MYO9A: variants seen among roughly 807,000 people sequenced by gnomAD.
MYO9A encodes unconventional myosin-IXa.
MYO9A carries 103 observed loss-of-function variants against 293.3 expected under a neutral mutation model. The observed-to-expected ratio is 0.35, with a 90% CI of 0.30 to 0.41. The LOEUF is 0.41. MYO9A is among the 10% of genes least tolerant of loss of function. The pLI, the probability that MYO9A is intolerant of heterozygous loss-of-function variation, is 1.00. For synonymous variants in MYO9A, 1,001 were observed against 1,035.7 expected (o/e 0.97, Z 0.64); for missense variants, 2,685 against 3,033.0 (o/e 0.89, Z 2.69).
chr15:71,960,288 C>G lies in MYO9A; in HGVS notation c.1987-192G>C, dbSNP rs559290084. On this transcript the variant is annotated intron_variant, in intron 13 of 41. Transcript: ENST00000356056. ...CAGATCCCTCATGAATGGATTGGGGCTCTCTTCAAAGTAATGAATGAGTTT... is the reference window on the plus strand; with the variant it reads ...CAGATCCCTCATGAATGGATTGGGGGTCTCTTCAAAGTAATGAATGAGTTT... The G allele has an allele frequency of 2.6e-5, 15 of 580,638 alleles. No homozygotes were observed. The South Asian group carries it at 3.4e-4, about 13-fold the overall frequency. The allele number at this position is 580,638 out of a possible 1,614,324, so 36.0% of individuals were successfully genotyped here.
intron 4 of MYO9A, among the ~76,000 whole-genome samples, chr15:72,025,587 T>C (rs1490520505): frequency 6.6e-6 from 1 of 152,130 alleles, no homozygotes; most frequent in African/African-American, 2.4e-5. Flanking sequence ...TCATCTCAAA[T>C]GATCTGCCTG....
chr15:72,112,122 C>G (rs2080800188), intron 1 of MYO9A, among the ~76,000 whole-genome samples: 1 of 151,888 alleles, frequency 6.6e-6, no homozygotes, highest in African/African-American at 2.4e-5. Flanking sequence ...TAAAAGAATA[C>G]AGTTATATAT....
intron 33 of MYO9A, 61 bp from the exon 34 acceptor site, chr15:71,859,857 A>T: frequency 7.0e-7 from 1 of 1,419,528 alleles, no homozygotes; most frequent in Middle Eastern, 1.9e-4. Flanking sequence ...ATAATAACTT[A>T]TCAAGTATAC....
chr15:71,950,715 T>C (rs967734834), intron 15 of MYO9A, among the ~76,000 whole-genome samples: 16 of 152,202 alleles, frequency 1.1e-4, no homozygotes, highest in African/African-American at 3.9e-4. Context: ...GCAATGGCAA[T>C]TGAAAAAGAA....
At chr15:72,034,195 A>T (rs914802301) in intron 2 of MYO9A, among the ~76,000 whole-genome samples, 2 of 152,164 alleles carry the variant, frequency 1.3e-5, no homozygotes, top group African/African-American at 4.8e-5. Flanking sequence ...ATCTCCTGAA[A>T]ATTTGTTAGA....
chr15:72,038,472 A>C (rs1242564289), intron 2 of MYO9A, among the ~76,000 whole-genome samples: 1 of 152,186 alleles, frequency 6.6e-6, no homozygotes, highest in East Asian at 1.9e-4. Flanking sequence ...AAAAGAATTA[A>C]ATTATAAATC....
chr15:71,965,037 C>T (rs1292664856), intron 13 of MYO9A, among the ~76,000 whole-genome samples: 7 of 151,838 alleles, frequency 4.6e-5, no homozygotes, highest in Non-Finnish European at 1.0e-4. Flanking sequence ...AACTTTCCTA[C>T]ATTCCTTGCT....
At chr15:71,925,213 GTATATATACACATATATACACATA>G (rs1253170154) in intron 18 of MYO9A, among the ~76,000 whole-genome samples, 12 of 6,066 alleles carry the variant, frequency 2.0e-3, no homozygotes, top group South Asian at 5.6e-3. Flanking sequence ...ATATACATGT[GTATATATACACATATATACACATA>G]TATATACATA....
At chr15:71,875,080 C>G (rs2056640563) in intron 32 of MYO9A, among the ~76,000 whole-genome samples, 2 of 151,906 alleles carry the variant, frequency 1.3e-5, no homozygotes, top group South Asian at 2.1e-4. Flanking sequence ...CTTAATTCAT[C>G]CTTGTAATTG....
chr15:71,837,082 G>A (rs977646432), intron 39 of MYO9A, among the ~76,000 whole-genome samples: 3 of 151,990 alleles, frequency 2.0e-5, no homozygotes, highest in African/African-American at 4.8e-5. Flanking sequence ...GGAAATATAC[G>A]AATAGCCTTT....
intron 1 of MYO9A, among the ~76,000 whole-genome samples, chr15:72,077,022 C>T (rs1459667926): frequency 1.1e-5 from 1 of 89,174 alleles, no homozygotes; most frequent in Non-Finnish European, 2.9e-5. Context: ...TAGACAACTA[C>T]ATCCAAAAAA....
chr15:71,951,572 C>T, intron 15 of MYO9A: 1 of 497,426 alleles, frequency 2.0e-6, no homozygotes, highest in East Asian at 3.3e-5. Flanking sequence ...CACAGGCAAA[C>T]AGAAAAGTCA....
At chr15:72,008,033 A>AT in intron 7 of MYO9A, 81 bp from the exon 8 acceptor site, 1 of 1,474,950 alleles carries the variant, frequency 6.8e-7, no homozygotes, top group Non-Finnish European at 9.1e-7. Context: ...AGTTAAGCAA[A>AT]TTAACCTACA....
intron 18 of MYO9A, among the ~76,000 whole-genome samples, chr15:71,928,045 TATATATATA>T (rs1567282230): frequency 1.6e-3 from 17 of 10,892 alleles, no homozygotes; most frequent in Middle Eastern, 0.029. Context: ...TATATATATA[TATATATATA>T]TATTTTTTTT....
intron 1 of MYO9A, among the ~76,000 whole-genome samples, chr15:72,099,828 G>T (rs1164395070): frequency 6.6e-6 from 1 of 150,484 alleles, no homozygotes; most frequent in African/African-American, 2.4e-5. Context: ...CTTGAACCCA[G>T]GAGGCTGAGG....
intron 1 of MYO9A, among the ~76,000 whole-genome samples, chr15:72,084,773 C>A (rs561958294): frequency 6.6e-6 from 1 of 152,278 alleles, no homozygotes; most frequent in East Asian, 1.9e-4. Flanking sequence ...CTTTAAGAAT[C>A]TTGAATATTC....
chr15:71,832,614 G>T (rs939376859), intron 39 of MYO9A, among the ~76,000 whole-genome samples: 3 of 152,126 alleles, frequency 2.0e-5, no homozygotes, highest in Non-Finnish European at 4.4e-5. Flanking sequence ...TAATTTTCAG[G>T]AATGAAGGTG....
At chr15:71,991,347 G>A in intron 10 of MYO9A, 110 bp from the exon 11 acceptor site, 1 of 812,748 alleles carries the variant, frequency 1.2e-6, no homozygotes. Context: ...CAGTGTACAG[G>A]GGATTGTGTT....
rs1408228867 is a variant in MYO9A at position 71,898,985 on chromosome 15, A to T, written c.3518T>A (p.Val1173Asp). The T allele has an allele frequency of 6.2e-7, 1 of 1,612,776 alleles. No individual in the cohort carries two copies. The change falls in exon 25 of 42, where the codon GTT becomes GAT. Residue 1173 changes from valine (V) to aspartate (D), a missense_variant. This residue lies in a region of MYO9A where 1,434 missense variants were observed against 1,497.7 expected (regional missense o/e 0.96). Coordinates refer to ENST00000356056, the MANE Select transcript of MYO9A (RefSeq NM_006901.4). The part of the protein sequence containing the change: ...EQRLRETKPE[V>D]GLVNIKGYGS... ...ATATCCCTTAATATTCACCAATCCA[A>T]CTTCTGGCTTTGTTTCTCTTAGCCT...
Sources: gnomAD v4.1 joint callset for allele counts (sites outside exome capture counted in the v4.1 genomes callset) on GRCh38, gnomAD v4.1.1 for gene constraint, gnomAD v4.1.1 regional missense constraint, MANE v1.5 for transcripts, NCBI Gene and HGNC (gene_info 2026-07-23, HGNC 2026-07-21) for gene names.